Variants in DLGAP4 observed in about 807,000 individuals in gnomAD.
The protein encoded by DLGAP4 is DLG associated protein 4.
In DLGAP4, 18 loss-of-function variants were observed where a neutral mutation model predicts 86.9. The ratio of observed to expected loss-of-function variants is 0.21; its 90% CI spans 0.14 to 0.31. The LOEUF is 0.31. Ranked by LOEUF, DLGAP4 falls within the 10% of genes least tolerant of loss-of-function variation. The pLI is 1.00. For missense variants in DLGAP4, 1,085 were observed against 1,362.6 expected (o/e 0.80, Z 3.21); for synonymous variants, 548 against 574.3 (o/e 0.95, Z 0.65).
intron 8 of DLGAP4, chr20:36,499,350 TCCCACCTCCCG>T (rs774925268): frequency 9.7e-6 from 15 of 1,545,364 alleles, no homozygotes; most frequent in East Asian, 7.4e-5. Context: ...CTCCACCCCA[TCCCACCTCCCG>T]CCCACCTGCC....
At chr20:36,357,824 G>A (rs1003246021) in intron 1 of DLGAP4, among the ~76,000 whole-genome samples, 12 of 152,382 alleles carry the variant, frequency 7.9e-5, no homozygotes, top group Non-Finnish European at 1.8e-4. Flanking sequence ...GACTTTGGAA[G>A]TCAGCAAGTG....
At chr20:36,377,688 G>T (rs553900649) in intron 2 of DLGAP4, among the ~76,000 whole-genome samples, 1 of 152,266 alleles carries the variant, frequency 6.6e-6, no homozygotes, top group African/African-American at 2.4e-5. Flanking sequence ...CTGGGAGGTG[G>T]TAGGATTTCC....
At chr20:36,468,004 G>C (rs2034493648) in intron 7 of DLGAP4, among the ~76,000 whole-genome samples, 1 of 152,214 alleles carries the variant, frequency 6.6e-6, no homozygotes, top group South Asian at 2.1e-4. Context: ...TGCTTTTAGG[G>C]TCCCAAGGGG....
chr20:36,391,070 C>T (rs1243651753), intron 2 of DLGAP4, among the ~76,000 whole-genome samples: 1 of 152,192 alleles, frequency 6.6e-6, no homozygotes, highest in East Asian at 1.9e-4. Flanking sequence ...CTCCTTCTCC[C>T]CCTTTAAATG....
At chr20:36,437,088 T>C (rs2033308338) in intron 4 of DLGAP4, among the ~76,000 whole-genome samples, 1 of 152,172 alleles carries the variant, frequency 6.6e-6, no homozygotes, top group Non-Finnish European at 1.5e-5. Flanking sequence ...GTCCCTCAGC[T>C]TCAGATCCAG....
chr20:36,413,782 A>T (rs2032575928), intron 2 of DLGAP4, among the ~76,000 whole-genome samples: 1 of 151,992 alleles, frequency 6.6e-6, no homozygotes. Context: ...GGCTTCTTTC[A>T]CTGAGCATGT....
At chr20:36,516,974 C>A (rs912768011) in intron 10 of DLGAP4, among the ~76,000 whole-genome samples, 3 of 151,140 alleles carry the variant, frequency 2.0e-5, no homozygotes, top group Non-Finnish European at 4.4e-5. Flanking sequence ...AAAAATACAG[C>A]CGGGTGCGGT....
intron 10 of DLGAP4, among the ~76,000 whole-genome samples, chr20:36,506,540 C>T (rs2036383085): frequency 6.6e-6 from 1 of 152,220 alleles, no homozygotes; most frequent in East Asian, 1.9e-4. Context: ...TCAGGGAACT[C>T]AGCAGTGCCC....
At chr20:36,373,463 CA>C (rs1217507519) in intron 2 of DLGAP4, among the ~76,000 whole-genome samples, 3 of 152,132 alleles carry the variant, frequency 2.0e-5, no homozygotes, top group African/African-American at 7.2e-5. Flanking sequence ...GGGATGTGCC[CA>C]CCCCTCAATC....
intron 10 of DLGAP4, among the ~76,000 whole-genome samples, chr20:36,503,914 CATTTT>C (rs2036254833): frequency 6.6e-6 from 1 of 152,128 alleles, no homozygotes; most frequent in Non-Finnish European, 1.5e-5. Flanking sequence ...TTTCACACTA[CATTTT>C]ATTTATCCAT....
At chr20:36,353,870 T>C (rs1232257346) in intron 1 of DLGAP4, among the ~76,000 whole-genome samples, 2 of 152,258 alleles carry the variant, frequency 1.3e-5, no homozygotes, top group Non-Finnish European at 2.9e-5. Context: ...TGTGTGCTCC[T>C]GTCCACAGCT....
chr20:36,356,297 TTTTG>T lies in DLGAP4; in HGVS notation c.-303-10720_-303-10717del, dbSNP rs140426624. Among the ~76,000 whole-genome samples, 819 of 152,006 alleles carry T rather than the reference TTTTG, an allele frequency of 5.4e-3. 6 individuals carry two copies. The highest frequency in any genetic ancestry group is 0.016 in the African/African-American group (670 of 41,368). ...AGCCAGCTTGAGATGGTTTCATTGT[TTTTG>T]TTTGTTTGTTTGTTTGTTTGTTTGT... On this transcript the variant is annotated intron_variant, in intron 1 of 12. Coordinates refer to ENST00000339266, the MANE Select transcript of DLGAP4 (RefSeq NM_001365621.2).
Position 36,442,794 on chromosome 20 carries a change from T to C in DLGAP4, c.1407+17T>C, listed in dbSNP as rs1430645863. On this transcript the variant is annotated intron_variant, in intron 6 of 12. Coordinates refer to ENST00000339266, the MANE Select transcript of DLGAP4 (RefSeq NM_001365621.2). ...GAGCAGCAGGTCAGTATGTTTGCCCTTCTCTTCCACCCCAATCCCAGAGTG... is the reference window on the plus strand; with the variant it reads ...GAGCAGCAGGTCAGTATGTTTGCCCCTCTCTTCCACCCCAATCCCAGAGTG... 6.2e-7 allele frequency: 1 copy of C among 1,614,192 alleles called. No homozygotes were observed. The highest frequency in any genetic ancestry group is 1.3e-5 in the African/African-American group (1 of 75,052).
intron 3 of DLGAP4, among the ~76,000 whole-genome samples, chr20:36,433,169 GA>G (rs1400059108): frequency 6.6e-6 from 1 of 152,222 alleles, no homozygotes; most frequent in Non-Finnish European, 1.5e-5. Flanking sequence ...GTGAGCGAGG[GA>G]GGGGTAGATG....
intron 1 of DLGAP4, among the ~76,000 whole-genome samples, chr20:36,355,000 A>G (rs1282954317): frequency 2.0e-5 from 3 of 152,176 alleles, no homozygotes; most frequent in South Asian, 2.1e-4. Context: ...AAGCAACTTT[A>G]TGGAAGGGCT....
At chr20:36,430,622 G>A (rs888589593) in intron 2 of DLGAP4, among the ~76,000 whole-genome samples, 4 of 137,304 alleles carry the variant, frequency 2.9e-5, no homozygotes, top group African/African-American at 5.5e-5. Context: ...GGCCAAGGCT[G>A]CAGTGAGCTG....
chr20:36,437,415 A>G (rs1341928292), intron 4 of DLGAP4, among the ~76,000 whole-genome samples: 1 of 152,196 alleles, frequency 6.6e-6, no homozygotes, highest in Admixed American at 6.5e-5. Context: ...TCTTCAGGTT[A>G]GGAGAACCTG....
chr20:36,434,041 T>A (rs1600523367), intron 3 of DLGAP4, among the ~76,000 whole-genome samples: 1 of 151,748 alleles, frequency 6.6e-6, no homozygotes, highest in South Asian at 2.1e-4. Flanking sequence ...CCTCCTGGGT[T>A]CCAGTGATTC....
chr20:36,449,173 G>A (rs531500198), intron 7 of DLGAP4, among the ~76,000 whole-genome samples: 1 of 152,206 alleles, frequency 6.6e-6, no homozygotes, highest in East Asian at 1.9e-4. Context: ...ATCTTTCCCA[G>A]CATGGGCAAT....
Sources: gnomAD v4.1 joint callset for allele counts (sites outside exome capture counted in the v4.1 genomes callset) on GRCh38, gnomAD v4.1.1 for gene constraint, MANE v1.5 for transcripts, NCBI Gene and HGNC (gene_info 2026-07-23, HGNC 2026-07-21) for gene names.